NLRP10: variants seen among roughly 807,000 people sequenced by gnomAD.
NLRP10 encodes the protein NLR family pyrin domain containing 10.
Under a neutral mutation model 8.2 loss-of-function variants are expected in NLRP10, and 7 were observed. The ratio of observed to expected loss-of-function variants is 0.85; its 90% CI spans 0.48 to 1.60. The LOEUF is 1.60. Among genes scored for constraint, NLRP10 ranks in the 40% most tolerant of loss-of-function variants. The probability of loss-of-function intolerance (pLI) is 0.00; values close to 1 mark genes in which losing one functional copy is unlikely to be tolerated. For synonymous variants in NLRP10, 338 were observed against 314.0 expected (o/e 1.08, Z -0.81); for missense variants, 814 against 776.3 (o/e 1.05, Z -0.58).
Position 7,958,563 on chromosome 11 carries a change from T to G in NLRP10, c.*1081A>C, listed in dbSNP as rs920689400. Among the ~76,000 whole-genome samples, 3 of 152,204 alleles carry G rather than the reference T, an allele frequency of 2.0e-5. No homozygotes were observed. The highest frequency in any genetic ancestry group is 6.5e-5 in the Admixed American group (1 of 15,290). ...TTCCAATCTTTTTACTCACCTTTTT[T>G]TTTTTGAGGCAGAGTCTCACTCTGT... On this transcript the variant is annotated 3_prime_UTR_variant, in exon 3 of 3. Transcript: ENST00000691676.
intron 1 of NLRP10, chr11:7,963,775 T>C: frequency 2.8e-6 from 1 of 355,674 alleles, no homozygotes; most frequent in Non-Finnish European, 4.6e-6. Context: ...GGTGTGTTAA[T>C]CTCTCAATCT....
chr11:7,959,847 T>C lies in NLRP10; in HGVS notation c.1765A>G (p.Lys589Glu), dbSNP rs1421821837. The change falls in exon 3 of 3, where the codon AAA becomes GAA. Residue 589 changes from lysine (K) to glutamate (E), a missense_variant. By Grantham distance (56) the Lys-to-Glu change is moderately conservative. Coordinates refer to ENST00000691676, the MANE Select transcript of NLRP10 (RefSeq NM_001391958.1). ...IQMNNVSFKI[K>E]HSNEKKSQSQ... Reference sequence around the variant, plus strand: ...TGTGATTTCTTTTCATTTGAATGTTTTATCTTGAATGATACATTGTTCATC... The same window carrying C: ...TGTGATTTCTTTTCATTTGAATGTTCTATCTTGAATGATACATTGTTCATC... 6.2e-7 allele frequency: 1 copy of C among 1,613,722 alleles called. No homozygotes were observed. The highest frequency in any genetic ancestry group is 1.7e-5 in the Admixed American group (1 of 59,966).
rs760727623 is a variant in NLRP10 at position 7,960,231 on chromosome 11, A to G, written c.1381T>C (p.Phe461Leu). ...DYQLGLAIKK[F>L]YSFRHISFQD... ...AAGCTGATGTGGCGGAAGCTGTAGA[A>G]CTTCTTGATGGCAAGTCCCAATTGG... Residue 461 changes from phenylalanine to leucine, a missense_variant, in exon 3 of 3, where the codon TTC becomes CTC. Physicochemically the swap from Phe to Leu is conservative, Grantham distance 22. Transcript: ENST00000691676. The G allele has an allele frequency of 7.0e-5, 113 of 1,614,006 alleles. No individual in the cohort carries two copies. Among genetic ancestry groups the G allele is most frequent in the Non-Finnish European group, 9.6e-5 (113 of 1,180,038 alleles).
chr11:7,963,080 C>T, intron 2 of NLRP10, 127 bp downstream of exon 2: 4 of 884,418 alleles, frequency 4.5e-6, no homozygotes, highest in Non-Finnish European at 6.9e-6. Flanking sequence ...GACTCTGGGG[C>T]ACCAGGGACT....
At position 7,961,308 on chromosome 11, in the gene NLRP10, A is replaced by G. The variant is rs1270416196; in HGVS notation, c.304T>C (p.Tyr102His). The change falls in exon 3 of 3, where the codon TAC becomes CAC. Residue 102 changes from tyrosine to histidine, a missense_variant. By Grantham distance (83) the Tyr-to-His change is moderately conservative (BLOSUM62 2). Transcript: ENST00000691676. ...TCTAGGCAGCGCACATGCTCTCGGT[A>G]TACTTCTCTGTAATCTGAGCCAAAC... ...HICLHDYREV[Y>H]REHVRCLEEW... is the part of the protein sequence containing the mutation. The G allele has an allele frequency of 1.3e-6, 2 of 1,566,458 alleles. No homozygotes were observed. Among genetic ancestry groups the G allele is most frequent in the Non-Finnish European group, 1.7e-6 (2 of 1,155,174 alleles).
chr11:7,963,453 A>G lies in NLRP10; in HGVS notation c.43T>C (p.Trp15Arg), dbSNP rs923917267. 8 of 1,613,878 alleles carry G rather than the reference A, an allele frequency of 5.0e-6. No homozygotes were observed. In the African/African-American group the frequency reaches 5.3e-5, roughly 11 times the overall value. Residue 15 changes from tryptophan (W) to arginine (R), a missense_variant, in exon 2 of 3, where the codon TGG becomes CGG. By Grantham distance (101) the Trp-to-Arg change is moderately radical. Coordinates refer to ENST00000691676, the MANE Select transcript of NLRP10 (RefSeq NM_001391958.1). ...TTCTCCTCAAGGTCACTCAAGGCCC[A>G]GAGCAATGCCTCCCGGGGCTTTCTG... is the stretch of plus-strand genomic sequence containing the variant. ...KARKPREALLWALSDLEENDF... is the reference protein window; with the variant it reads ...KARKPREALLRALSDLEENDF...
chr11:7,961,426 A>G, intron 2 of NLRP10, 104 bp from the exon 3 acceptor site: 3 of 743,854 alleles, frequency 4.0e-6, no homozygotes, highest in Non-Finnish European at 2.2e-6. Flanking sequence ...TATGTCTCCA[A>G]CTTGGATCTT....
rs1408825828 is a variant in NLRP10, at chr11:7,957,582, A to C, written c.*2062T>G. Among the ~76,000 whole-genome samples the C allele has an allele frequency of 1.3e-5, 2 of 152,122 alleles. No homozygotes were observed. The highest frequency in any genetic ancestry group is 4.8e-5 in the African/African-American group (2 of 41,432). On this transcript the variant is annotated 3_prime_UTR_variant, in exon 3 of 3. Coordinates refer to ENST00000691676, the MANE Select transcript of NLRP10 (RefSeq NM_001391958.1). ...TATTGTATTAAACTAATTATACTTC[A>C]ATAAAACTTTTTTTAAATACAGAAA...
chr11:7,961,937 C>T (rs1941738931), intron 2 of NLRP10, among the ~76,000 whole-genome samples: 4 of 152,106 alleles, frequency 2.6e-5, no homozygotes, highest in Admixed American at 2.6e-4. Flanking sequence ...GGGCCCTCCC[C>T]ACGGTAATGA....
At chr11:7,963,169 T>G (rs889545786) in intron 2 of NLRP10, 38 bp downstream of exon 2, 5 of 1,585,176 alleles carry the variant, frequency 3.2e-6, no homozygotes, top group Non-Finnish European at 4.3e-6. Flanking sequence ...GGAGTCCCAG[T>G]GCCATCCTGC....
chr11:7,961,385 T>G, intron 2 of NLRP10, 63 bp from the exon 3 acceptor site: 1 of 1,050,896 alleles, frequency 9.5e-7, no homozygotes, highest in South Asian at 1.5e-5. Flanking sequence ...AAATGGCCCC[T>G]CCAAACTGAC....
In NLRP10 at chr11:7,963,404, T is replaced by C. The variant is rs1488228037; in HGVS notation, c.92A>G (p.Tyr31Cys). The change falls in exon 2 of 3, where the codon TAC (tyrosine) becomes TGC (cysteine). Residue 31 changes from tyrosine (Y) to cysteine (C), a missense_variant. By Grantham distance (194) the Tyr-to-Cys change is radical. Transcript: ENST00000691676. The stretch of plus-strand genomic sequence containing the variant: ...CTCAGACAGGGTCATATCCCGTAAG[T>C]AGAACTTTAACTTCTTGAAATCGTT... ...EENDFKKLKF[Y>C]LRDMTLSEGQ... 4 of 1,614,054 alleles carry C rather than the reference T, an allele frequency of 2.5e-6. No homozygotes were observed. The highest frequency in any genetic ancestry group is 1.3e-5 in the African/African-American group (1 of 74,918).
intron 2 of NLRP10, among the ~76,000 whole-genome samples, chr11:7,962,231 C>CTTTTTTTATTTTTTTTT (rs1941743994): frequency 1.5e-5 from 1 of 66,994 alleles, no homozygotes; most frequent in Non-Finnish European, 2.6e-5. Flanking sequence ...TAAGCCTGTT[C>CTTTTTTTATTTTTTTTT]TTTTTTTTTT....
chr11:7,961,104 C>T lies in NLRP10; in HGVS notation c.508G>A (p.Val170Met), dbSNP rs1338690838. ...CCAGTGCCAGCCGACCCCTGTAGCA[C>T]AACTAAGGATGGGGCCAGTGAGGGC... ...EKPSLAPSLVVLQGSAGTGKT... is the reference protein window; with the variant it reads ...EKPSLAPSLVMLQGSAGTGKT... Residue 170 changes from valine to methionine, a missense_variant, in exon 3 of 3, where the codon GTG becomes ATG. Val to Met is a conservative substitution (Grantham distance 21). Coordinates refer to ENST00000691676, the MANE Select transcript of NLRP10 (RefSeq NM_001391958.1). 3 of 1,614,044 alleles carry T rather than the reference C, an allele frequency of 1.9e-6. No individual in the cohort carries two copies. The highest frequency in any genetic ancestry group is 3.3e-5 in the Admixed American group (2 of 60,006).
intron 2 of NLRP10, among the ~76,000 whole-genome samples, chr11:7,962,393 G>A (rs553789930): frequency 6.6e-6 from 1 of 152,006 alleles, no homozygotes; most frequent in African/African-American, 2.4e-5. Context: ...ACGCCACCAT[G>A]CCCGGCTAAT....
At position 7,960,692 on chromosome 11, in the gene NLRP10, G is replaced by A. The variant is rs1941703719; in HGVS notation, c.920C>T (p.Ala307Val). The change falls in exon 3 of 3, where the codon GCA becomes GTA. Residue 307 changes from alanine (A) to valine (V), a missense_variant. By Grantham distance (64) the Ala-to-Val change is moderately conservative (BLOSUM62 0). Transcript: ENST00000691676. ...LRNLEPLLKQ[A>V]RHVHILGFSE... Reference sequence around the variant, plus strand: ...GAAGCCTAGGATATGGACATGACGTGCTTGTTTCAGCAAGGGCTCCAGATT... The same window carrying A: ...GAAGCCTAGGATATGGACATGACGTACTTGTTTCAGCAAGGGCTCCAGATT... 2 of 1,614,052 alleles carry A rather than the reference G, an allele frequency of 1.2e-6. No homozygotes were observed. The highest frequency in any genetic ancestry group is 2.2e-5 in the East Asian group (1 of 44,886).
At position 7,957,977 on chromosome 11, in the gene NLRP10, C is replaced by A. The variant is rs911998615; in HGVS notation, c.*1667G>T. ...ATATTTGGAATTACACAGTATGTAGCCTTTTCAGACTGACTTCTTTCACTT... is the reference window on the plus strand; with the variant it reads ...ATATTTGGAATTACACAGTATGTAGACTTTTCAGACTGACTTCTTTCACTT... On this transcript the variant is annotated 3_prime_UTR_variant, in exon 3 of 3. Transcript: ENST00000691676. 2.0e-5 allele frequency among the ~76,000 whole-genome samples: 3 copies of A among 152,170 alleles called. No individual in the cohort carries two copies. The highest frequency in any genetic ancestry group is 6.5e-5 in the Admixed American group (1 of 15,270).
intron 1 of NLRP10, among the ~76,000 whole-genome samples, chr11:7,964,434 T>C (rs1327481167): frequency 6.6e-6 from 1 of 152,198 alleles, no homozygotes; most frequent in Non-Finnish European, 1.5e-5. Flanking sequence ...ATCCAGATAA[T>C]GATAGGAAGA....
intron 1 of NLRP10, 59 bp from the exon 2 acceptor site, chr11:7,963,599 G>T: frequency 9.5e-7 from 1 of 1,054,988 alleles, no homozygotes; most frequent in Non-Finnish European, 1.4e-6. Context: ...GCTTTCTGGG[G>T]GCTTGGCCAA....
Sources: gnomAD v4.1 joint callset for allele counts (sites outside exome capture counted in the v4.1 genomes callset) on GRCh38, gnomAD v4.1.1 for gene constraint, MANE v1.5 for transcripts, NCBI Gene and HGNC (gene_info 2026-07-23, HGNC 2026-07-21) for gene names.